TUT4: variants seen among roughly 807,000 people sequenced by gnomAD.
The protein encoded by TUT4 is terminal uridylyl transferase 4, also known as terminal uridylyltransferase 4.
Under a neutral mutation model 192.2 loss-of-function variants are expected in TUT4, and 36 were observed. The ratio of observed to expected loss-of-function variants is 0.19; its 90% CI spans 0.14 to 0.25. The LOEUF is 0.25. Among genes scored for constraint, TUT4 ranks in the 10% least tolerant of loss-of-function variants. The pLI is 1.00. For missense variants in TUT4, 1,493 were observed against 1,957.2 expected (o/e 0.76, Z 4.47); for synonymous variants, 618 against 666.0 (o/e 0.93, Z 1.11).
intron 4 of TUT4, among the ~76,000 whole-genome samples, chr1:52,504,147 A>C (rs1475515949): frequency 6.6e-6 from 1 of 152,242 alleles, no homozygotes. Flanking sequence ...CATTCAAGAC[A>C]TCCTAGGCCT....
intron 1 of TUT4, among the ~76,000 whole-genome samples, chr1:52,531,627 T>C (rs959842828): frequency 2.6e-5 from 4 of 152,190 alleles, no homozygotes; most frequent in African/African-American, 9.7e-5. Context: ...TATTTTTAAT[T>C]GTTCACACTT....
At chr1:52,433,657 A>G (rs1022787505) in intron 27 of TUT4, 3 of 152,218 alleles carry the variant, frequency 2.0e-5, no homozygotes, top group African/African-American at 7.2e-5. Context: ...GGCAGCATAG[A>G]AAAGTGGTTA....
At chr1:52,533,561 A>G (rs780613166) in intron 1 of TUT4, among the ~76,000 whole-genome samples, 3 of 152,220 alleles carry the variant, frequency 2.0e-5, no homozygotes, top group South Asian at 4.2e-4. Context: ...AGTTCCTTTC[A>G]CTATCATCCT....
intron 11 of TUT4, among the ~76,000 whole-genome samples, chr1:52,479,757 G>C (rs1253085649): frequency 6.6e-6 from 1 of 152,138 alleles, no homozygotes; most frequent in Non-Finnish European, 1.5e-5. Context: ...CACTTTGGGA[G>C]GCTGAGGCGG....
intron 1 of TUT4, among the ~76,000 whole-genome samples, chr1:52,552,481 A>G (rs1356137227): frequency 6.6e-6 from 1 of 152,258 alleles, no homozygotes; most frequent in Non-Finnish European, 1.5e-5. Context: ...GCGTGTATAC[A>G]TTTATATACA....
At chr1:52,466,567 G>A (rs1435068419) in intron 15 of TUT4, among the ~76,000 whole-genome samples, 1 of 150,348 alleles carries the variant, frequency 6.7e-6, no homozygotes, top group Non-Finnish European at 1.5e-5. Flanking sequence ...GAGCCTCAGA[G>A]GTCAAGGCTG....
chr1:52,548,188 T>C (rs1383511557), intron 1 of TUT4, among the ~76,000 whole-genome samples: 3 of 152,142 alleles, frequency 2.0e-5, no homozygotes, highest in East Asian at 3.8e-4. Flanking sequence ...TCCCCATAGT[T>C]TGAATACCAC....
chr1:52,470,082 G>A, intron 14 of TUT4, among the ~76,000 whole-genome samples: 1 of 152,032 alleles, frequency 6.6e-6, no homozygotes, highest in East Asian at 1.9e-4. Flanking sequence ...AGGAACCACA[G>A]CTCCTTGGAC....
chr1:52,469,480 T>C (rs1017306946), intron 14 of TUT4, among the ~76,000 whole-genome samples: 1 of 152,108 alleles, frequency 6.6e-6, no homozygotes, highest in African/African-American at 2.4e-5. Context: ...AAATGAATAA[T>C]AGATGGTGGG....
intron 8 of TUT4, among the ~76,000 whole-genome samples, chr1:52,490,300 A>C (rs1189578128): frequency 6.6e-6 from 1 of 151,848 alleles, no homozygotes; most frequent in Non-Finnish European, 1.5e-5. Context: ...ACAGGCACAC[A>C]CACCCACCAT....
chr1:52,514,512 A>C (rs953714750), intron 3 of TUT4, among the ~76,000 whole-genome samples: 8 of 152,146 alleles, frequency 5.3e-5, no homozygotes, highest in African/African-American at 1.9e-4. Flanking sequence ...GGATCTTGTA[A>C]TACTAACTAT....
At chr1:52,437,036 T>G (rs1654003447) in intron 25 of TUT4, 58 bp from the exon 26 acceptor site, 1 of 1,572,366 alleles carries the variant, frequency 6.4e-7, no homozygotes, top group Non-Finnish European at 8.6e-7. Context: ...CAGAACAAAC[T>G]ATGCAGGACT....
intron 16 of TUT4, chr1:52,462,604 G>T: frequency 2.3e-6 from 1 of 437,400 alleles, no homozygotes; most frequent in Non-Finnish European, 3.0e-6. Flanking sequence ...CTGCAGAGCT[G>T]TTGGGAGGAT....
intron 25 of TUT4, 195 bp from the exon 26 acceptor site, chr1:52,437,173 A>T (rs1009346356): frequency 3.3e-6 from 2 of 606,382 alleles, no homozygotes; most frequent in Non-Finnish European, 2.6e-6. Flanking sequence ...TTGTAAAACA[A>T]TATTATATTA....
At chr1:52,492,763 T>A (rs958831022) in intron 7 of TUT4, among the ~76,000 whole-genome samples, 8 of 152,230 alleles carry the variant, frequency 5.3e-5, no homozygotes, top group Non-Finnish European at 8.8e-5. Context: ...TTGTAATTTT[T>A]AAATTTTTCT....
chr1:52,531,885 CTTTTTTTTTTTTTTTTT>C (rs1158088077), intron 1 of TUT4, among the ~76,000 whole-genome samples: 1 of 80,806 alleles, frequency 1.2e-5, no homozygotes, highest in Non-Finnish European at 2.3e-5. Context: ...CTTTTCTCAT[CTTTTTTTTTTTTTTTTT>C]TTTTTTTTTT....
intron 20 of TUT4, among the ~76,000 whole-genome samples, chr1:52,449,070 CACACACACACACAG>C (rs1247227209): frequency 2.7e-5 from 4 of 147,690 alleles, no homozygotes; most frequent in Admixed American, 6.7e-5. Flanking sequence ...CACTTTTACA[CACACACACACACAG>C]ACACACACAC....
intron 1 of TUT4, among the ~76,000 whole-genome samples, chr1:52,542,550 T>G (rs902314265): frequency 2.0e-5 from 3 of 152,150 alleles, no homozygotes. Context: ...TCTCAATTGA[T>G]GCAGACGAAG....
chr1:52,501,097 G>C (rs985358155), intron 4 of TUT4, among the ~76,000 whole-genome samples: 16 of 152,230 alleles, frequency 1.1e-4, no homozygotes, highest in African/African-American at 3.6e-4. Context: ...AAAAGTAAAA[G>C]CAGATAAATT....
Sources: allele counts gnomAD v4.1 joint callset (sites outside exome capture counted in the v4.1 genomes callset), GRCh38; gene constraint gnomAD v4.1.1; transcripts MANE v1.5; gene names NCBI Gene and HGNC (gene_info 2026-07-23, HGNC 2026-07-21).